ZNF385D: variants seen among roughly 807,000 people sequenced by gnomAD.
ZNF385D encodes zinc finger protein 385D.
A neutral mutation model predicts 35.8 loss-of-function variants in ZNF385D; 15 were observed. The ratio of observed to expected loss-of-function variants is 0.42; its 90% CI spans 0.28 to 0.64. The LOEUF is 0.64. ZNF385D is among the 30% of genes least tolerant of loss of function. The probability of loss-of-function intolerance (pLI) is 0.23; values close to 1 mark genes in which losing one functional copy is unlikely to be tolerated. For missense variants in ZNF385D, 474 were observed against 494.6 expected (o/e 0.96, Z 0.39); for synonymous variants, 212 against 186.8 (o/e 1.13, Z -1.10).
intron 3 of ZNF385D, among the ~76,000 whole-genome samples, chr3:22,109,551 G>C (rs1381058764): frequency 2.6e-5 from 4 of 152,120 alleles, no homozygotes; most frequent in African/African-American, 9.7e-5. Context: ...GAGGCAAATA[G>C]GGTTTTTCTC....
At chr3:21,719,993 A>T (rs1221156658) in intron 1 of ZNF385D, among the ~76,000 whole-genome samples, 4 of 152,130 alleles carry the variant, frequency 2.6e-5, no homozygotes, top group African/African-American at 9.7e-5. Context: ...AAATAAGGAG[A>T]AAGAAAAGTG....
chr3:21,550,079 T>C (rs1273317588), intron 3 of ZNF385D, among the ~76,000 whole-genome samples: 2 of 152,140 alleles, frequency 1.3e-5, no homozygotes, highest in African/African-American at 2.4e-5. Flanking sequence ...AGACAAAATA[T>C]GCAGCTTAAA....
intron 3 of ZNF385D, among the ~76,000 whole-genome samples, chr3:22,152,397 G>C (rs140873427): frequency 1.5e-3 from 229 of 152,210 alleles, no homozygotes; most frequent in Admixed American, 2.8e-3. Flanking sequence ...CTACAAATTT[G>C]TTGGCTTAAG....
chr3:22,164,261 A>C (rs1216125717), intron 3 of ZNF385D, among the ~76,000 whole-genome samples: 2 of 90,666 alleles, frequency 2.2e-5, no homozygotes, highest in East Asian at 3.9e-4. Context: ...ACGGGGTCTC[A>C]CTCTGTTGCC....
chr3:21,421,441 A>T lies in ZNF385D; in HGVS notation c.961T>A (p.Leu321Ile). ...QKTAHPLGVK[L>I]VFSKEPSKPL... ...TTTGAAGGTTCTTTTGAAAATACTA[A>T]TTTTACCTGCAAGGGAGAAAAAATA... is the stretch of plus-strand genomic sequence containing the variant. The change falls in exon 8 of 8, where the codon TTA becomes ATA. Residue 321 changes from leucine (L) to isoleucine (I), a missense_variant. Transcript: ENST00000281523. The T allele has an allele frequency of 1.9e-6, 3 of 1,609,570 alleles. No individual in the cohort carries two copies. Among genetic ancestry groups the T allele is most frequent in the Non-Finnish European group, 1.7e-6 (2 of 1,176,640 alleles).
intron 3 of ZNF385D, among the ~76,000 whole-genome samples, chr3:21,762,443 C>T (rs995644835): frequency 6.6e-6 from 1 of 152,164 alleles, no homozygotes; most frequent in African/African-American, 2.4e-5. Context: ...GGCACCTCCT[C>T]TCAGAAGCTT....
intron 2 of ZNF385D, among the ~76,000 whole-genome samples, chr3:22,234,351 T>G (rs900783062): frequency 3.9e-5 from 6 of 152,166 alleles, no homozygotes; most frequent in Non-Finnish European, 8.8e-5. Flanking sequence ...ACCCTAGTGC[T>G]TTTTGAAGAC....
At chr3:21,977,351 AAAGCTTGAGT>A (rs2125358308) in intron 3 of ZNF385D, among the ~76,000 whole-genome samples, 1 of 152,340 alleles carries the variant, frequency 6.6e-6, no homozygotes, top group South Asian at 2.1e-4. Context: ...GTTTTTAATT[AAAGCTTGAGT>A]ATGGTGGTGG....
chr3:21,924,188 T>C (rs746699419), intron 3 of ZNF385D, among the ~76,000 whole-genome samples: 10 of 152,182 alleles, frequency 6.6e-5, no homozygotes, highest in Non-Finnish European at 1.3e-4. Context: ...TATTTCCCTA[T>C]TTCTACCACT....
At chr3:22,209,269 T>C (rs1697362129) in intron 2 of ZNF385D, among the ~76,000 whole-genome samples, 1 of 151,970 alleles carries the variant, frequency 6.6e-6, no homozygotes, top group African/African-American at 2.4e-5. Context: ...ATGTCACAAA[T>C]GTTCCTATTC....
At position 22,314,425 on chromosome 3, in the gene ZNF385D, A is replaced by G. The variant is rs184593110; in HGVS notation, c.106+58025T>C. Among the ~76,000 whole-genome samples, 618 of 152,258 alleles carry G rather than the reference A, an allele frequency of 4.1e-3. 3 individuals carry two copies. Among genetic ancestry groups the G allele is most frequent in the African/African-American group, 0.014 (595 of 41,564 alleles). On this transcript the variant is annotated intron_variant, in intron 2 of 5. Coordinates refer to the ZNF385D transcript ENST00000494108. Reference sequence around the variant, plus strand: ...ATTTAGAATAATAGTCTCCAATCCCATCCAGATTGCAGTGAATGCCATTAA... The same window carrying G: ...ATTTAGAATAATAGTCTCCAATCCCGTCCAGATTGCAGTGAATGCCATTAA...
intron 3 of ZNF385D, among the ~76,000 whole-genome samples, chr3:22,132,324 A>T (rs1703850793): frequency 6.6e-6 from 1 of 152,216 alleles, no homozygotes; most frequent in South Asian, 2.1e-4. Context: ...GACATTCATC[A>T]GATACCAAAT....
chr3:21,982,021 G>A (rs1481636045), intron 3 of ZNF385D, among the ~76,000 whole-genome samples: 1 of 149,632 alleles, frequency 6.7e-6, no homozygotes, highest in African/African-American at 2.5e-5. Context: ...TGTTCTTTGT[G>A]CTTAGGATCG....
intron 4 of ZNF385D, among the ~76,000 whole-genome samples, chr3:21,478,474 T>C (rs986600175): frequency 4.6e-5 from 7 of 152,166 alleles, no homozygotes; most frequent in Admixed American, 2.6e-4. Context: ...AATGCCCAGA[T>C]ACACCTGTTC....
At chr3:21,609,185 A>G (rs2064592191) in intron 2 of ZNF385D, among the ~76,000 whole-genome samples, 1 of 152,184 alleles carries the variant, frequency 6.6e-6, no homozygotes, top group Non-Finnish European at 1.5e-5. Flanking sequence ...ATATTCCAGA[A>G]CAGAGTAAAA....
intron 2 of ZNF385D, among the ~76,000 whole-genome samples, chr3:22,251,894 T>G (rs1193638037): frequency 1.3e-5 from 2 of 152,096 alleles, no homozygotes; most frequent in African/African-American, 4.8e-5. Context: ...TTCCCTCTTT[T>G]GTAAAATAAG....
chr3:22,341,851 CTT>C (rs1420228711), intron 2 of ZNF385D, among the ~76,000 whole-genome samples: 1 of 152,168 alleles, frequency 6.6e-6, no homozygotes, highest in African/African-American at 2.4e-5. Flanking sequence ...TTGTAAATAA[CTT>C]ATATTAATGC....
chr3:22,213,521 G>C (rs578030678), intron 2 of ZNF385D, among the ~76,000 whole-genome samples: 12 of 151,936 alleles, frequency 7.9e-5, no homozygotes, highest in Non-Finnish European at 1.3e-4. Flanking sequence ...ATTAGTTTAT[G>C]TCCTATCACT....
At position 21,463,074 on chromosome 3, in the gene ZNF385D, T is replaced by C. The variant is rs989389727; in HGVS notation, c.440-25871A>G. On this transcript the variant is annotated intron_variant, in intron 4 of 7. Coordinates refer to ENST00000281523, the MANE Select transcript of ZNF385D (RefSeq NM_024697.3). Reference sequence around the variant, plus strand: ...TTAAAATACTGTTTCACAAAAGAAATACAGACTTAAAATATTTTTTAAAGT... The same window carrying C: ...TTAAAATACTGTTTCACAAAAGAAACACAGACTTAAAATATTTTTTAAAGT... Among the ~76,000 whole-genome samples the C allele has an allele frequency of 2.6e-5, 4 of 152,092 alleles. No homozygotes were observed. The East Asian group carries it at 7.7e-4, about 29-fold the overall frequency.
Sources: allele counts gnomAD v4.1 joint callset (sites outside exome capture counted in the v4.1 genomes callset), GRCh38; gene constraint gnomAD v4.1.1; transcripts MANE v1.5; gene names NCBI Gene and HGNC (gene_info 2026-07-23, HGNC 2026-07-21).